The following DEPTOR variants were observed in gnomAD, a reference collection of about 807,000 sequenced individuals.
DEPTOR encodes DEP domain-containing mTOR-interacting protein.
A neutral mutation model predicts 41.6 loss-of-function variants in DEPTOR; 41 were observed. The ratio of observed to expected loss-of-function variants is 0.98; its 90% CI spans 0.77 to 1.28. The LOEUF is 1.28. DEPTOR is among the 50% of genes most tolerant of loss of function. The pLI is 0.00. For synonymous variants in DEPTOR, 195 were observed against 192.3 expected, an observed-to-expected ratio of 1.01 and a Z score of -0.12; for missense variants, 514 against 527.9, an observed-to-expected ratio of 0.97 and a Z score of 0.26.
At chr8:119,875,263 G>A (rs116380376) in intron 1 of DEPTOR, among the ~76,000 whole-genome samples, 2,823 of 152,238 alleles carry the variant, frequency 0.019, 88 homozygotes, top group African/African-American at 0.063. Context: ...GGTGCAGGTG[G>A]ACTGAGTCTA....
chr8:119,894,031 C>T (rs962915362), intron 1 of DEPTOR, among the ~76,000 whole-genome samples: 1 of 152,138 alleles, frequency 6.6e-6, no homozygotes, highest in Non-Finnish European at 1.5e-5. Flanking sequence ...TTATTAACAG[C>T]TTGTGTGAAA....
At chr8:119,937,885 A>G (rs1273946501) in intron 3 of DEPTOR, among the ~76,000 whole-genome samples, 1 of 152,232 alleles carries the variant, frequency 6.6e-6, no homozygotes, top group African/African-American at 2.4e-5. Context: ...AGGAACCTGA[A>G]TATTTTATAA....
At chr8:119,986,304 T>A (rs1828829891) in intron 4 of DEPTOR, among the ~76,000 whole-genome samples, 1 of 152,188 alleles carries the variant, frequency 6.6e-6, no homozygotes, top group Non-Finnish European at 1.5e-5. Flanking sequence ...TTGGCCTGCA[T>A]ATGAAATTCT....
chr8:119,984,415 C>T (rs1828804341), intron 4 of DEPTOR, among the ~76,000 whole-genome samples: 1 of 152,104 alleles, frequency 6.6e-6, no homozygotes, highest in Admixed American at 6.6e-5. Context: ...CTGTGCCTCC[C>T]CTAACTCCCC....
Position 120,003,258 on chromosome 8 carries a change from G to C in DEPTOR, c.925+147G>C, listed in dbSNP as rs888296431. The C allele has an allele frequency of 5.0e-6, 7 of 1,387,698 alleles. No homozygotes were observed. In the East Asian group the frequency reaches 1.6e-4, roughly 33 times the overall value. 86.0% of individuals were successfully genotyped at this position (1,387,698 alleles called of 1,614,324 possible). ...TGGGGTCCACACGTGTTGAATGGAA[G>C]GGAAGGAAGAATTGGGCTGAAGGAG... On this transcript the variant is annotated intron_variant, in intron 6 of 8. Transcript: ENST00000286234.
intron 4 of DEPTOR, among the ~76,000 whole-genome samples, chr8:119,973,836 C>G (rs1023951178): frequency 6.6e-6 from 1 of 152,144 alleles, no homozygotes; most frequent in Non-Finnish European, 1.5e-5. Flanking sequence ...AGCAGTTTTA[C>G]ATACATTATC....
chr8:119,947,765 A>C (rs1311967159), intron 3 of DEPTOR, among the ~76,000 whole-genome samples: 1 of 152,146 alleles, frequency 6.6e-6, no homozygotes. Flanking sequence ...CACAGTACAA[A>C]AGGATCATTA....
intron 4 of DEPTOR, among the ~76,000 whole-genome samples, chr8:119,983,574 G>A (rs746548336): frequency 1.3e-5 from 2 of 151,998 alleles, no homozygotes; most frequent in Non-Finnish European, 2.9e-5. Context: ...TAGCAGAGAC[G>A]GGTTTCACCA....
At chr8:119,921,022 G>A (rs1393500585) in intron 1 of DEPTOR, among the ~76,000 whole-genome samples, 1 of 151,396 alleles carries the variant, frequency 6.6e-6, no homozygotes, top group Non-Finnish European at 1.5e-5. Flanking sequence ...TGTCACCTAG[G>A]CTGGAGTGCA....
rs953536172 is a variant in DEPTOR at position 120,034,242 on chromosome 8, CTG to C, written c.1102-15328_1102-15327del. On this transcript the variant is annotated intron_variant, in intron 8 of 8. Coordinates refer to ENST00000286234, the MANE Select transcript of DEPTOR (RefSeq NM_022783.4). ...CACTACGAACAAGATAGTGGTATAA[CTG>C]TGTGTCTCTGCAAAGCATGTACACA... Among the ~76,000 whole-genome samples, 16 of 143,306 alleles carry C rather than the reference CTG, an allele frequency of 1.1e-4. No individual in the cohort carries two copies. In the Admixed American group the frequency reaches 1.1e-3, roughly 10 times the overall value. The allele number at this position is 143,306 out of a possible 152,430, so 94.0% of individuals were successfully genotyped here.
chr8:120,027,860 A>G (rs1231737773), intron 8 of DEPTOR, among the ~76,000 whole-genome samples: 1 of 152,124 alleles, frequency 6.6e-6, no homozygotes, highest in Non-Finnish European at 1.5e-5. Context: ...AACTTTTACT[A>G]CATGTCAGAA....
At chr8:119,906,177 T>C (rs1827661196) in intron 1 of DEPTOR, among the ~76,000 whole-genome samples, 1 of 151,730 alleles carries the variant, frequency 6.6e-6, no homozygotes, top group African/African-American at 2.4e-5. Context: ...TTTTGCCGGG[T>C]GCAATGGCTC....
At chr8:119,903,505 A>G (rs1827621520) in intron 1 of DEPTOR, among the ~76,000 whole-genome samples, 1 of 152,186 alleles carries the variant, frequency 6.6e-6, no homozygotes, top group African/African-American at 2.4e-5. Context: ...TACCATCTTT[A>G]TGTCATCAAC....
intron 8 of DEPTOR, among the ~76,000 whole-genome samples, chr8:120,037,610 A>G (rs1200758154): frequency 6.6e-6 from 1 of 152,174 alleles, no homozygotes; most frequent in Non-Finnish European, 1.5e-5. Flanking sequence ...CTCTTCATCC[A>G]GGAGACACTA....
At chr8:119,996,148 C>T (rs1812255826) in intron 4 of DEPTOR, among the ~76,000 whole-genome samples, 1 of 152,176 alleles carries the variant, frequency 6.6e-6, no homozygotes, top group African/African-American at 2.4e-5. Context: ...TGGCAACCTT[C>T]ATTTCAGGGA....
intron 1 of DEPTOR, among the ~76,000 whole-genome samples, chr8:119,923,884 TTTTTCTTTC>T (rs781598356): frequency 7.0e-4 from 75 of 107,730 alleles, no homozygotes; most frequent in Non-Finnish European, 1.0e-3. Context: ...TTTCTTTTCT[TTTTTCTTTC>T]TTTTTTTTTT....
intron 8 of DEPTOR, among the ~76,000 whole-genome samples, chr8:120,016,292 A>T (rs375457050): frequency 1.0e-3 from 148 of 145,822 alleles, no homozygotes; most frequent in African/African-American, 3.3e-3. Context: ...CAATGTATGA[A>T]TTTTTTTTTT....
At chr8:119,991,603 C>T (rs556232404) in intron 4 of DEPTOR, among the ~76,000 whole-genome samples, 24 of 152,192 alleles carry the variant, frequency 1.6e-4, no homozygotes, top group Non-Finnish European at 3.4e-4. Context: ...CAGGCATGAG[C>T]CACTACGCTT....
intron 8 of DEPTOR, among the ~76,000 whole-genome samples, chr8:120,040,468 C>T (rs759102916): frequency 1.3e-5 from 2 of 151,780 alleles, no homozygotes; most frequent in South Asian, 2.1e-4. Flanking sequence ...CCCAGCTACT[C>T]GGGAGGCTGA....
Sources: allele counts gnomAD v4.1 joint callset (sites outside exome capture counted in the v4.1 genomes callset), GRCh38; gene constraint gnomAD v4.1.1; transcripts MANE v1.5; gene names NCBI Gene and HGNC (gene_info 2026-07-23, HGNC 2026-07-21).